ANKRD44: variants seen among roughly 807,000 people sequenced by gnomAD.
The protein encoded by ANKRD44 is serine/threonine-protein phosphatase 6 regulatory ankyrin repeat subunit B.
ANKRD44 carries 35 observed loss-of-function variants against 116.0 expected under a neutral mutation model. The observed-to-expected ratio is 0.30, with a 90% CI of 0.23 to 0.40. ANKRD44 has a LOEUF of 0.40. ANKRD44 is among the 10% of genes least tolerant of loss of function. ANKRD44 has a pLI of 1.00. For missense variants in ANKRD44, 1,014 were observed against 1,242.6 expected (o/e 0.82, Z 2.77); for synonymous variants, 435 against 461.8 (o/e 0.94, Z 0.74).
intron 2 of ANKRD44, among the ~76,000 whole-genome samples, chr2:197,175,513 C>G (rs1017896172): frequency 7.2e-5 from 11 of 152,154 alleles, no homozygotes; most frequent in Non-Finnish European, 1.2e-4. Flanking sequence ...CACACAGTGT[C>G]GGTACCACTG....
intron 13 of ANKRD44, among the ~76,000 whole-genome samples, chr2:197,083,959 T>C (rs1006525948): frequency 2.0e-5 from 3 of 152,174 alleles, no homozygotes; most frequent in African/African-American, 7.2e-5. Flanking sequence ...TTCAGGTCTA[T>C]GTTATTGCTT....
At chr2:197,132,916 CAACAATTTCT>C (rs2079126194) in intron 4 of ANKRD44, among the ~76,000 whole-genome samples, 1 of 152,134 alleles carries the variant, frequency 6.6e-6, no homozygotes, top group Non-Finnish European at 1.5e-5. Flanking sequence ...TCAAATAGAA[CAACAATTTCT>C]ATGGTAGTTT....
chr2:197,034,117 A>C (rs1216176669), intron 16 of ANKRD44, among the ~76,000 whole-genome samples: 1 of 148,908 alleles, frequency 6.7e-6, no homozygotes, highest in African/African-American at 2.5e-5. Context: ...ACAAACTCGT[A>C]ATTCAGCTTG....
chr2:197,235,614 T>TAAA (rs5837532), intron 1 of ANKRD44, among the ~76,000 whole-genome samples: 4 of 100,934 alleles, frequency 4.0e-5, no homozygotes, highest in Non-Finnish European at 6.1e-5. Context: ...AGACTCTGTC[T>TAAA]AAAAAAAAAA....
At position 197,063,988 on chromosome 2, in the gene ANKRD44, A is replaced by G. The variant is rs1231475042; in HGVS notation, c.1650+14715T>C. 2.6e-5 allele frequency among the ~76,000 whole-genome samples: 4 copies of G among 152,210 alleles called. No individual in the cohort carries two copies. In the East Asian group the frequency reaches 7.7e-4, roughly 29 times the overall value. On this transcript the variant is annotated intron_variant, in intron 16 of 27. Coordinates refer to ENST00000282272, the MANE Select transcript of ANKRD44 (RefSeq NM_001195144.2). ...ACTCCTCGAGAAGAGCAACTCCAAG[A>G]CACATAATTGTCAGATTCACCAAAG...
rs753724317 is a variant in ANKRD44, at chr2:197,081,744, A to AG, written c.1458-20dup. 2 of 1,593,114 alleles carry AG rather than the reference A, an allele frequency of 1.3e-6. No homozygotes were observed. The highest frequency in any genetic ancestry group is 2.2e-5 in the East Asian group (1 of 44,782). ...AGTCTTACTTCTCAGCATAAAGGAT[A>AG]GAAAAAAAAATTGCAATTAATTTTT... On this transcript the variant is annotated intron_variant, in intron 14 of 27. Transcript: ENST00000282272.
chr2:197,295,401 A>AAATAATAC (rs1252708322), intron 1 of ANKRD44, among the ~76,000 whole-genome samples: 21 of 152,256 alleles, frequency 1.4e-4, no homozygotes, highest in African/African-American at 5.1e-4. Flanking sequence ...AGACGTAAAC[A>AAATAATAC]AATAATACAA....
chr2:197,104,834 A>T (rs1299596486), intron 9 of ANKRD44, among the ~76,000 whole-genome samples: 3 of 152,234 alleles, frequency 2.0e-5, no homozygotes, highest in African/African-American at 7.2e-5. Flanking sequence ...GCACTTTGTG[A>T]AGGGGACAAT....
chr2:197,151,754 T>C (rs2079657260), intron 2 of ANKRD44, among the ~76,000 whole-genome samples: 1 of 152,202 alleles, frequency 6.6e-6, no homozygotes, highest in Admixed American at 6.5e-5. Flanking sequence ...AAACTTGCAG[T>C]CCACTGATCA....
chr2:197,181,095 A>T (rs2080493438), intron 2 of ANKRD44, among the ~76,000 whole-genome samples: 1 of 152,182 alleles, frequency 6.6e-6, no homozygotes, highest in African/African-American at 2.4e-5. Flanking sequence ...CTTAGCTTGC[A>T]CCTCCAGATT....
chr2:197,274,498 T>C (rs1458680037), intron 1 of ANKRD44, among the ~76,000 whole-genome samples: 1 of 152,170 alleles, frequency 6.6e-6, no homozygotes, highest in Non-Finnish European at 1.5e-5. Flanking sequence ...ACAACCTGCC[T>C]GTAACTGAGA....
chr2:197,014,578 A>G (rs895540115), intron 17 of ANKRD44, among the ~76,000 whole-genome samples: 2 of 152,142 alleles, frequency 1.3e-5, no homozygotes, highest in African/African-American at 4.8e-5. Context: ...ACTTGAGGTC[A>G]GGCATTCGAG....
chr2:197,139,897 T>TGA lies in ANKRD44; in HGVS notation c.191-3237_191-3236dup, dbSNP rs1553516735. On this transcript the variant is annotated intron_variant, in intron 3 of 27. Coordinates refer to ENST00000282272, the MANE Select transcript of ANKRD44 (RefSeq NM_001195144.2). ...GTGTGTGTGTGTGTGTGTGTGTGTG[T>TGA]GAAACGGAGTCTTGCTCTGTCACCC... 6.0e-3 allele frequency among the ~76,000 whole-genome samples: 791 copies of TGA among 131,394 alleles called. 12 individuals are homozygous for TGA. The highest frequency in any genetic ancestry group is 0.021 in the African/African-American group (732 of 35,502). The allele number at this position is 131,394 out of a possible 152,430, so 86.2% of individuals were successfully genotyped here. A position where few individuals can be genotyped will look rare whatever the true frequency, so the allele number is the denominator to read the frequency against.
In ANKRD44 at chr2:197,099,137, T is replaced by A. The variant is rs952800418; in HGVS notation, c.1100+679A>T. Among the ~76,000 whole-genome samples, 8 of 152,232 alleles carry A rather than the reference T, an allele frequency of 5.3e-5. No homozygotes were observed. The East Asian group carries it at 1.2e-3, about 22-fold the overall frequency. On this transcript the variant is annotated intron_variant, in intron 10 of 27. Transcript: ENST00000282272. ...GCCTTTTCAGAAAACACTGGCCACC[T>A]TTGAGCTCTCTCCTCCCTGTCTATA...
chr2:197,062,050 G>C (rs2077327561), intron 16 of ANKRD44, among the ~76,000 whole-genome samples: 1 of 152,170 alleles, frequency 6.6e-6, no homozygotes, highest in African/African-American at 2.4e-5. Context: ...CAAAGTGCTT[G>C]GATTATAGGC....
intron 16 of ANKRD44, among the ~76,000 whole-genome samples, chr2:197,063,057 G>A (rs1242455593): frequency 6.6e-6 from 1 of 152,218 alleles, no homozygotes; most frequent in East Asian, 1.9e-4. Context: ...GCCTAACTGG[G>A]AGGCACCCTC....
intron 3 of ANKRD44, among the ~76,000 whole-genome samples, chr2:197,141,370 T>C (rs1370468297): frequency 6.6e-6 from 1 of 152,254 alleles, no homozygotes; most frequent in Non-Finnish European, 1.5e-5. Context: ...TCATATTCTT[T>C]ACATATTTCT....
At chr2:197,284,599 A>AT (rs2083356408) in intron 1 of ANKRD44, among the ~76,000 whole-genome samples, 1 of 151,990 alleles carries the variant, frequency 6.6e-6, no homozygotes, top group Non-Finnish European at 1.5e-5. Flanking sequence ...TTTTTACATT[A>AT]TTAGAGCCAG....
In ANKRD44 at chr2:197,203,238, AAT is replaced by A; in HGVS notation, c.28-16134_28-16133del. Among the ~76,000 whole-genome samples, 1 of 152,378 alleles carries A rather than the reference AAT, an allele frequency of 6.6e-6. No individual in the cohort carries two copies. Among genetic ancestry groups the A allele is most frequent in the East Asian group, 1.9e-4 (1 of 5,194 alleles). ...TGACAGGAAAAATTAAAAGGGAACC[AAT>A]GTCAAAGCTAGGGAAATTATTGAGC... is the stretch of plus-strand genomic sequence containing the variant. On this transcript the variant is annotated intron_variant, in intron 1 of 27. Transcript: ENST00000282272. The surrounding 1 kb of genome is among the most constrained non-coding windows in gnomAD (Gnocchi z 4.1).
Sources: gnomAD v4.1 joint callset for allele counts (sites outside exome capture counted in the v4.1 genomes callset) on GRCh38, gnomAD v4.1.1 for gene constraint, Gnocchi (gnomAD v3.1) non-coding constraint, MANE v1.5 for transcripts, NCBI Gene and HGNC (gene_info 2026-07-23, HGNC 2026-07-21) for gene names.